The following KIF1C variants were observed in gnomAD, a reference collection of about 807,000 sequenced individuals.
The protein encoded by KIF1C is kinesin family member 1C, also known as kinesin-like protein KIF1C.
A neutral mutation model predicts 126.5 loss-of-function variants in KIF1C; 61 were observed. The observed-to-expected ratio is 0.48, with a 90% confidence interval of 0.39 to 0.60. The LOEUF is 0.60. KIF1C is among the 20% of genes least tolerant of loss of function. The pLI, the probability that KIF1C is intolerant of heterozygous loss-of-function variation, is 0.00. For missense variants in KIF1C, 1,315 were observed against 1,489.2 expected, an observed-to-expected ratio of 0.88 and a Z score of 1.93; for synonymous variants, 640 against 580.6, an observed-to-expected ratio of 1.10 and a Z score of -1.47.
At position 5,023,980 on chromosome 17, in the gene KIF1C, G is replaced by T. The variant is rs1407648265; in HGVS notation, c.3141G>T (p.Gln1047His). ...GGRSRGAGSAQPEPQHFQPKK... is the reference protein window; with the variant it reads ...GGRSRGAGSAHPEPQHFQPKK... ...GATCCCGGGGAGCGGGTTCTGCACA[G>T]CCTGAACCCCAGCACTTCCAGCCCA... The change falls in exon 23 of 23, where the codon CAG becomes CAT. Residue 1047 changes from glutamine (Q) to histidine (H), a missense_variant. Physicochemically the swap from Gln to His is conservative, Grantham distance 24. Transcript: ENST00000320785. The surrounding 1 kb of genome is among the most constrained non-coding windows in gnomAD (Gnocchi z 4.2). 3 of 1,596,092 alleles carry T rather than the reference G, an allele frequency of 1.9e-6. No homozygotes were observed. The highest frequency in any genetic ancestry group is 3.5e-5 in the Admixed American group (2 of 57,720).
chr17:5,015,361 G>A (rs1974950413), intron 18 of KIF1C, among the ~76,000 whole-genome samples: 1 of 151,784 alleles, frequency 6.6e-6, no homozygotes, highest in Non-Finnish European at 1.5e-5. Context: ...TGGGCTCACT[G>A]CAGCCTCAAC....
At chr17:5,013,842 G>C in intron 17 of KIF1C, 110 bp downstream of exon 17, 1 of 776,338 alleles carries the variant, frequency 1.3e-6, no homozygotes, top group South Asian at 1.6e-5. Context: ...AGATACCTCA[G>C]ATCTCTAAAC....
rs1975056847 is a variant in KIF1C at position 5,020,088 on chromosome 17, T to C, written c.1750+9T>C. 1.3e-6 allele frequency: 2 copies of C among 1,576,784 alleles called. No individual in the cohort carries two copies. The highest frequency in any genetic ancestry group is 3.7e-5 in the Admixed American group (2 of 54,280). On this transcript the variant is annotated intron_variant, in intron 19 of 22. Transcript: ENST00000320785. The surrounding 1 kb of genome is among the most constrained non-coding windows in gnomAD (Gnocchi z 5.8). ...GCTGGTGCTGAAGTCAGGTAGAAGA[T>C]GTGTCGCAGATTGAGGGTTCTGGGG...
At chr17:5,016,232 GGTTCAA>G (rs942849317) in intron 18 of KIF1C, among the ~76,000 whole-genome samples, 1 of 151,626 alleles carries the variant, frequency 6.6e-6, no homozygotes, top group Non-Finnish European at 1.5e-5. Flanking sequence ...CTGCCTCCCG[GGTTCAA>G]GTAATTCTCC....
Position 5,024,072 on chromosome 17 carries a change from AC to A in KIF1C, c.3239del (p.Pro1080HisfsTer8), listed in dbSNP as rs753993722. On this transcript the variant is annotated frameshift_variant, in exon 23 of 23. Coordinates refer to ENST00000320785, the MANE Select transcript of KIF1C (RefSeq NM_006612.6). LOFTEE classifies it high-confidence loss of function. ...GCCCAGCGGCCCCCAGGGCCCCGCT[AC>A]CCCCCATACACTACTCCCCCACGAA... ...YPAQRPPGPR[Y>X]PPYTTPPRMR... The A allele has an allele frequency of 3.8e-6, 6 of 1,588,016 alleles. No homozygotes were observed. The highest frequency in any genetic ancestry group is 2.3e-5 in the East Asian group (1 of 44,246).
At chr17:5,000,172 G>A in intron 2 of KIF1C, 48 bp from the exon 3 acceptor site, 1 of 1,049,318 alleles carries the variant, frequency 9.5e-7, no homozygotes, top group Middle Eastern at 2.1e-4. Flanking sequence ...GCAATGTCTG[G>A]GTCCCTGCAG....
chr17:5,008,890 G>T (rs964803900), intron 16 of KIF1C, among the ~76,000 whole-genome samples: 1 of 152,186 alleles, frequency 6.6e-6, no homozygotes, highest in African/African-American at 2.4e-5. Flanking sequence ...CACCACGGTT[G>T]CAAGGATGGA....
chr17:5,011,943 C>T (rs1033897094), intron 16 of KIF1C: 2 of 152,288 alleles, frequency 1.3e-5, no homozygotes, highest in Admixed American at 6.5e-5. Flanking sequence ...TCCTGATCCC[C>T]TTGAAATCCC....
chr17:5,024,237 G>T lies in KIF1C; in HGVS notation c.*86G>T. The T allele has an allele frequency of 1.0e-6, 1 of 966,634 alleles. No homozygotes were observed. Among genetic ancestry groups the T allele is most frequent in the African/African-American group, 1.7e-5 (1 of 59,638 alleles). 59.9% of individuals were successfully genotyped at this position (966,634 alleles called of 1,614,324 possible). ...GAGACGCTGCTTCCCCAGAAGTGCTGGGGCAGGGAGGCCCAGGAGATGAGA... is the reference window on the plus strand; with the variant it reads ...GAGACGCTGCTTCCCCAGAAGTGCTTGGGCAGGGAGGCCCAGGAGATGAGA... On this transcript the variant is annotated 3_prime_UTR_variant, in exon 23 of 23. Transcript: ENST00000320785.
intron 3 of KIF1C, 76 bp from the exon 4 acceptor site, chr17:5,000,696 G>A: frequency 1.5e-6 from 2 of 1,308,146 alleles, no homozygotes; most frequent in Non-Finnish European, 2.2e-6. Flanking sequence ...GGATTCCAGG[G>A]GCTGGTTGGG....
rs1052153037 is a variant in KIF1C at position 5,026,701 on chromosome 17, C to T, written c.*2550C>T. ...TTGAGGCTGTGGTGAGCTGTGAAGG[C>T]ACCACAGCACTCTGGCCTGGGCAAG... On this transcript the variant is annotated 3_prime_UTR_variant, in exon 23 of 23. Transcript: ENST00000320785. The T allele has an allele frequency of 9.1e-5, 13 of 142,954 alleles. No individual in the cohort carries two copies. The South Asian group carries it at 2.2e-3, about 24-fold the overall frequency. The allele number at this position is 142,954 out of a possible 1,614,324, so 8.9% of individuals were successfully genotyped here.
rs1010075914 is a variant in KIF1C at position 5,022,793 on chromosome 17, T to A, written c.2628+84T>A. ...GAACCTTCCATCTCAGAGCCTAACCTTCCCCAAGTCTGGAAAAAATTGCAT... is the reference window on the plus strand; with the variant it reads ...GAACCTTCCATCTCAGAGCCTAACCATCCCCAAGTCTGGAAAAAATTGCAT... On this transcript the variant is annotated intron_variant, in intron 22 of 22. Coordinates refer to ENST00000320785, the MANE Select transcript of KIF1C (RefSeq NM_006612.6). The surrounding 1 kb of genome is among the most constrained non-coding windows in gnomAD (Gnocchi z 4.9). 5.7e-6 allele frequency: 8 copies of A among 1,394,678 alleles called. No individual in the cohort carries two copies. The African/African-American group carries it at 1.0e-4, about 18-fold the overall frequency. 86.4% of individuals were successfully genotyped at this position (1,394,678 alleles called of 1,614,324 possible). A position where few individuals can be genotyped will look rare whatever the true frequency, so the allele number is the denominator to read the frequency against.
At chr17:5,010,742 G>A (rs989266095) in intron 16 of KIF1C, among the ~76,000 whole-genome samples, 19 of 150,800 alleles carry the variant, frequency 1.3e-4, no homozygotes, top group Admixed American at 4.0e-4. Flanking sequence ...GCGAGACTCC[G>A]TCTCAAAAAA....
intron 4 of KIF1C, 128 bp downstream of exon 4, chr17:5,000,976 G>T: frequency 9.6e-7 from 1 of 1,043,804 alleles, no homozygotes; most frequent in Non-Finnish European, 1.5e-6. Context: ...ATGATCCTGG[G>T]TGGGGGTGGT....
intron 18 of KIF1C, among the ~76,000 whole-genome samples, chr17:5,015,526 C>T (rs1268388509): frequency 5.3e-5 from 8 of 151,584 alleles, no homozygotes; most frequent in Non-Finnish European, 1.0e-4. Context: ...TCAGGTGATC[C>T]GCCTGCCTCG....
At chr17:5,004,481 G>A in intron 11 of KIF1C, 86 bp from the exon 12 acceptor site, 1 of 1,236,680 alleles carries the variant, frequency 8.1e-7, no homozygotes, top group South Asian at 1.2e-5. Context: ...ACCTCTGCCT[G>A]GGCAGTGGGC....
rs188650236 is a variant in KIF1C, at chr17:5,020,692, A to C, written c.1937+14A>C. The C allele has an allele frequency of 5.0e-4, 803 of 1,612,452 alleles. 4 individuals are homozygous for C. In the African/African-American group the frequency reaches 8.5e-3, roughly 17 times the overall value. On this transcript the variant is annotated intron_variant, in intron 20 of 22. Coordinates refer to ENST00000320785, the MANE Select transcript of KIF1C (RefSeq NM_006612.6). The surrounding 1 kb of genome is among the most constrained non-coding windows in gnomAD (Gnocchi z 5.8). ...AATGGAGAAGAGGTGCGAGGGGGTT[A>C]CCCACGTGCCCCATGGCCGTCTAGG...
Position 5,027,917 on chromosome 17 carries a change from A to G in KIF1C, c.*3766A>G, listed in dbSNP as rs1202499507. ...AGCCTGGGAGGTCAAGGCTGCGGTGACCTGTGATTGCACCACCAGGAGACC... is the reference window on the plus strand; with the variant it reads ...AGCCTGGGAGGTCAAGGCTGCGGTGGCCTGTGATTGCACCACCAGGAGACC... On this transcript the variant is annotated 3_prime_UTR_variant, in exon 23 of 23. Coordinates refer to ENST00000320785, the MANE Select transcript of KIF1C (RefSeq NM_006612.6). The G allele has an allele frequency of 1.3e-5, 2 of 152,140 alleles. No individual in the cohort carries two copies. Among genetic ancestry groups the G allele is most frequent in the African/African-American group, 4.8e-5 (2 of 41,432 alleles). The allele number at this position is 152,140 out of a possible 1,614,324, so 9.4% of individuals were successfully genotyped here.
intron 2 of KIF1C, 23 bp downstream of exon 2, chr17:4,999,993 G>T (rs989670246): frequency 1.0e-5 from 5 of 500,614 alleles, no homozygotes; most frequent in South Asian, 4.5e-5. Flanking sequence ...GACCGCCCAG[G>T]TTCCTGCAAG....
Sources: allele counts gnomAD v4.1 joint callset (sites outside exome capture counted in the v4.1 genomes callset), GRCh38; gene constraint gnomAD v4.1.1; non-coding constraint Gnocchi (gnomAD v3.1); transcripts MANE v1.5; gene names NCBI Gene and HGNC (gene_info 2026-07-23, HGNC 2026-07-21).